Variants in PCDHGA3 observed in about 807,000 individuals in gnomAD.
PCDHGA3 encodes the protein protocadherin gamma-A3.
A neutral mutation model predicts 58.5 loss-of-function variants in PCDHGA3; 40 were observed. That is an observed-to-expected ratio of 0.68 (90% confidence interval 0.53 to 0.89). The LOEUF (loss-of-function observed/expected upper bound fraction) is 0.89, where lower values mean the gene tolerates loss of function less well. Ranked by LOEUF, PCDHGA3 falls within the 40% of genes least tolerant of loss-of-function variation. PCDHGA3 has a pLI of 0.00. For synonymous variants in PCDHGA3, 530 were observed against 525.7 expected (o/e 1.01, Z -0.11); for missense variants, 1,223 against 1,195.9 (o/e 1.02, Z -0.33).
chr5:141,405,319 GC>G, intron 1 of PCDHGA3: 1 of 1,614,176 alleles, frequency 6.2e-7, no homozygotes, highest in Non-Finnish European at 8.5e-7. Context: ...AGAAAAATGA[GC>G]CTTTGTGCGT....
rs529934949 is a variant in PCDHGA3 at position 141,383,902 on chromosome 5, A to C, written c.2424+37445A>C. ...TAGTCTGACAAAGGCAAAAGTACTG[A>C]TCACAGTTTTAGATGTAAATGATAA... On this transcript the variant is annotated intron_variant, in intron 1 of 3. Coordinates refer to ENST00000253812, the MANE Select transcript of PCDHGA3 (RefSeq NM_018916.4). The C allele has an allele frequency of 4.8e-5, 77 of 1,613,976 alleles. 1 individual carries two copies. The South Asian group carries it at 7.9e-4, about 17-fold the overall frequency.
chr5:141,367,849 G>A (rs903459046), intron 1 of PCDHGA3: 3 of 152,008 alleles, frequency 2.0e-5, no homozygotes, highest in Admixed American at 1.3e-4. Flanking sequence ...TGCAATGTTA[G>A]CGTTTCTTTA....
chr5:141,404,741 G>C, intron 1 of PCDHGA3: 1 of 1,614,072 alleles, frequency 6.2e-7, no homozygotes, highest in South Asian at 1.1e-5. Context: ...AGTGGACAGA[G>C]ACTCAGGCCA....
chr5:141,423,864 G>A (rs180692491), intron 1 of PCDHGA3: 551 of 1,284,224 alleles, frequency 4.3e-4, no homozygotes, highest in Non-Finnish European at 5.0e-4. Context: ...TTTTGTGAAA[G>A]TCATTTTTCA....
chr5:141,418,247 G>A, intron 1 of PCDHGA3: 1 of 1,614,032 alleles, frequency 6.2e-7, no homozygotes, highest in Non-Finnish European at 8.5e-7. Context: ...TAATGACCAC[G>A]CCCCTCAATT....
chr5:141,375,703 G>T (rs776426026), intron 1 of PCDHGA3: 9 of 1,614,144 alleles, frequency 5.6e-6, no homozygotes, highest in Non-Finnish European at 7.6e-6. Flanking sequence ...GCGGGGACCC[G>T]CCTCTTAGCA....
At chr5:141,362,244 C>T (rs1380837904) in intron 1 of PCDHGA3, 4 of 1,613,944 alleles carry the variant, frequency 2.5e-6, no homozygotes, top group Admixed American at 3.3e-5. Context: ...CAGTGCTCTT[C>T]TTCCTCGCGG....
chr5:141,393,486 A>G, intron 1 of PCDHGA3: 1 of 1,614,082 alleles, frequency 6.2e-7, no homozygotes. Flanking sequence ...TCGCTCTAGC[A>G]CAGTGCGCAT....
At chr5:141,376,660 T>G in intron 1 of PCDHGA3, 2 of 886,650 alleles carry the variant, frequency 2.3e-6, no homozygotes, top group South Asian at 3.6e-5. Flanking sequence ...GACTCCCTTG[T>G]TCAGGTGAGG....
At position 141,429,460 on chromosome 5, in the gene PCDHGA3, C is replaced by T. The variant is rs528924726; in HGVS notation, c.2425-65347C>T. The stretch of plus-strand genomic sequence containing the variant: ...AAACTCTTGGGCTACAGTAATCCTC[C>T]CACCTCAATCTCCAGAGTAGCTGAG... On this transcript the variant is annotated intron_variant, in intron 1 of 3. Transcript: ENST00000253812. Among the ~76,000 whole-genome samples the T allele has an allele frequency of 1.6e-4, 25 of 151,938 alleles. 1 individual carries two copies. The South Asian group carries it at 4.6e-3, about 28-fold the overall frequency.
chr5:141,496,144 T>C (rs1478887814), intron 2 of PCDHGA3, among the ~76,000 whole-genome samples: 1 of 151,780 alleles, frequency 6.6e-6, no homozygotes, highest in Non-Finnish European at 1.5e-5. Context: ...GAGCCTTTGA[T>C]CGCAGCTCTC....
At chr5:141,495,800 C>T (rs1351461035) in intron 2 of PCDHGA3, among the ~76,000 whole-genome samples, 5 of 152,134 alleles carry the variant, frequency 3.3e-5, no homozygotes, top group Non-Finnish European at 7.3e-5. Context: ...CTCCTTTCAC[C>T]GTTTCCTAGC....
At chr5:141,375,214 C>T (rs750367246) in intron 1 of PCDHGA3, 2 of 1,613,928 alleles carry the variant, frequency 1.2e-6, no homozygotes, top group Non-Finnish European at 1.7e-6. Context: ...GAGACTCTGG[C>T]CTGAATGGCC....
chr5:141,346,987 T>A (rs1757837268), intron 1 of PCDHGA3, among the ~76,000 whole-genome samples: 1 of 151,886 alleles, frequency 6.6e-6, no homozygotes, highest in African/African-American at 2.4e-5. Context: ...GGTGACACTC[T>A]TTTTTTCTTT....
rs202183643 is a variant in PCDHGA3 at position 141,490,646 on chromosome 5, C to T, written c.2425-4161C>T. 9 of 1,614,186 alleles carry T rather than the reference C, an allele frequency of 5.6e-6. No homozygotes were observed. Among genetic ancestry groups the T allele is most frequent in the African/African-American group, 2.7e-5 (2 of 75,054 alleles). ...GCTTACATCCTAGAAAACCGGCCTC[C>T]GGGCTCCCTTCTTTGCACTGTGGCT... On this transcript the variant is annotated intron_variant, in intron 1 of 3. Transcript: ENST00000253812. The surrounding 1 kb of genome is among the most constrained non-coding windows in gnomAD (Gnocchi z 5.4).
intron 1 of PCDHGA3, chr5:141,351,067 C>T (rs544825241): frequency 2.5e-6 from 4 of 1,614,008 alleles, no homozygotes; most frequent in East Asian, 4.5e-5. Context: ...AGGATGAGGG[C>T]ATTAATGCAG....
intron 1 of PCDHGA3, among the ~76,000 whole-genome samples, chr5:141,465,038 G>T (rs1297185291): frequency 6.6e-6 from 1 of 151,642 alleles, no homozygotes; most frequent in Non-Finnish European, 1.5e-5. Flanking sequence ...CACCACAAAT[G>T]ACCCTATATA....
In PCDHGA3 at chr5:141,419,638, C is replaced by T. The variant is rs191182165; in HGVS notation, c.2424+73181C>T. On this transcript the variant is annotated intron_variant, in intron 1 of 3. Coordinates refer to ENST00000253812, the MANE Select transcript of PCDHGA3 (RefSeq NM_018916.4). Reference sequence around the variant, plus strand: ...GCTACCTGGTGACCAAGGTGGTGGCCGTGGACGCGGACTCGGGGCACAATG... The same window carrying T: ...GCTACCTGGTGACCAAGGTGGTGGCTGTGGACGCGGACTCGGGGCACAATG... The T allele has an allele frequency of 4.9e-3, 7,979 of 1,612,456 alleles. 44 individuals are homozygous for T. Among genetic ancestry groups the T allele is most frequent in the Admixed American group, 9.5e-3 (568 of 60,000 alleles).
chr5:141,378,136 C>T (rs1774655700), intron 1 of PCDHGA3: 1 of 152,158 alleles, frequency 6.6e-6, no homozygotes, highest in Admixed American at 6.5e-5. Context: ...TTGACATCAC[C>T]ATTATTATAA....
Sources: allele counts gnomAD v4.1 joint callset (sites outside exome capture counted in the v4.1 genomes callset), GRCh38; gene constraint gnomAD v4.1.1; non-coding constraint Gnocchi (gnomAD v3.1); transcripts MANE v1.5; gene names NCBI Gene and HGNC (gene_info 2026-07-23, HGNC 2026-07-21).